The following TIAM2 variants were observed in gnomAD, a reference collection of about 807,000 sequenced individuals.
The protein encoded by TIAM2 is rho guanine nucleotide exchange factor TIAM2.
In TIAM2, 80 loss-of-function variants were observed where a neutral mutation model predicts 152.9. The ratio of observed to expected loss-of-function variants is 0.52; its 90% confidence interval spans 0.44 to 0.63. The LOEUF (loss-of-function observed/expected upper bound fraction) is 0.63, where lower values mean the gene tolerates loss of function less well. Ranked by LOEUF, TIAM2 falls within the 30% of genes least tolerant of loss-of-function variation. The probability of loss-of-function intolerance (pLI) is 0.00; values close to 1 mark genes in which losing one functional copy is unlikely to be tolerated. For synonymous variants in TIAM2, 804 were observed against 838.0 expected (o/e 0.96, Z 0.70); for missense variants, 1,965 against 2,120.1 (o/e 0.93, Z 1.44).
At chr6:155,119,465 G>A (rs1402002778) in intron 2 of TIAM2, among the ~76,000 whole-genome samples, 1 of 151,674 alleles carries the variant, frequency 6.6e-6, no homozygotes, top group East Asian at 1.9e-4. Context: ...TCAGCCTCTC[G>A]AATAGCTGGG....
intron 2 of TIAM2, among the ~76,000 whole-genome samples, chr6:155,119,164 AGCTGGGATTACAGGT>A (rs1445137543): frequency 6.6e-6 from 1 of 151,864 alleles, no homozygotes; most frequent in East Asian, 1.9e-4. Flanking sequence ...CCTCCCGAGT[AGCTGGGATTACAGGT>A]GCCTGCCACC....
intron 14 of TIAM2, among the ~76,000 whole-genome samples, chr6:155,183,819 A>G (rs1027317477): frequency 7.2e-5 from 11 of 152,194 alleles, no homozygotes; most frequent in African/African-American, 2.4e-4. Context: ...GAAAGCCTGC[A>G]TAAATGCCAA....
At chr6:155,045,301 A>T (rs1777150423) in intron 1 of TIAM2, among the ~76,000 whole-genome samples, 2 of 151,900 alleles carry the variant, frequency 1.3e-5, no homozygotes, top group Admixed American at 1.3e-4. Flanking sequence ...TGACCTCGTG[A>T]TCCACCCATC....
intron 9 of TIAM2, among the ~76,000 whole-genome samples, chr6:155,167,193 AT>A (rs750622985): frequency 4.6e-5 from 7 of 151,404 alleles, no homozygotes; most frequent in African/African-American, 9.8e-5. Context: ...ATAATATCAG[AT>A]TTTAAAATTG....
chr6:155,236,159 A>G (rs1399112720), intron 15 of TIAM2, among the ~76,000 whole-genome samples: 1 of 151,996 alleles, frequency 6.6e-6, no homozygotes, highest in African/African-American at 2.4e-5. Flanking sequence ...GGCCACAACC[A>G]GAACACCAGA....
intron 7 of TIAM2, among the ~76,000 whole-genome samples, chr6:155,157,404 A>T (rs1323335351): frequency 6.6e-6 from 1 of 152,032 alleles, no homozygotes; most frequent in Non-Finnish European, 1.5e-5. Flanking sequence ...CGTTTGTTGG[A>T]TGAGTAAATA....
At chr6:155,242,130 G>C (rs1258548163) in intron 16 of TIAM2, among the ~76,000 whole-genome samples, 1 of 152,104 alleles carries the variant, frequency 6.6e-6, no homozygotes, top group Non-Finnish European at 1.5e-5. Flanking sequence ...TTTTCTTAGG[G>C]CCCCCCTGGG....
intron 7 of TIAM2, among the ~76,000 whole-genome samples, chr6:155,151,147 C>T (rs1426915605): frequency 6.6e-6 from 1 of 152,192 alleles, no homozygotes; most frequent in Non-Finnish European, 1.5e-5. Context: ...GATGGCAAGC[C>T]TGACTCCGGG....
At chr6:155,234,901 G>T (rs946216031) in intron 15 of TIAM2, among the ~76,000 whole-genome samples, 5 of 152,194 alleles carry the variant, frequency 3.3e-5, no homozygotes, top group African/African-American at 9.7e-5. Flanking sequence ...GAGGCGTGAG[G>T]AACTAGATTG....
intron 2 of TIAM2, among the ~76,000 whole-genome samples, chr6:155,104,267 G>T (rs1475317937): frequency 6.6e-6 from 1 of 151,964 alleles, no homozygotes; most frequent in Non-Finnish European, 1.5e-5. Flanking sequence ...ATTCCAGAGG[G>T]TTGGACTAGG....
chr6:155,099,790 A>C (rs1258176650), intron 2 of TIAM2, among the ~76,000 whole-genome samples: 1 of 152,258 alleles, frequency 6.6e-6, no homozygotes, highest in African/African-American at 2.4e-5. Flanking sequence ...AGAAAAGTGT[A>C]AGATGATTTC....
rs746789142 is a variant in TIAM2, at chr6:155,129,327, T to C, written c.104T>C (p.Ile35Thr). Reference protein sequence around the residue: ...QIPCSLKIRGIHAKEEKSLHG... With the variant: ...QIPCSLKIRGTHAKEEKSLHG... ...CCTTGCTCCCTGAAAATACGTGGCA[T>C]TCATGCAAAAGAGGAAAAGTCATTG... The change falls in exon 4 of 27, where the codon ATT (isoleucine) becomes ACT (threonine). Residue 35 changes from isoleucine to threonine, a missense_variant. Around this residue, in one of 3 missense-constraint regions of TIAM2, gnomAD observed 1,025 missense variants for 1,119.4 expected, o/e 0.92. Coordinates refer to ENST00000682666, the MANE Select transcript of TIAM2 (RefSeq NM_012454.4). The surrounding 1 kb of genome is among the most constrained non-coding windows in gnomAD (Gnocchi z 4.8). The C allele has an allele frequency of 4.3e-6, 7 of 1,614,180 alleles. No homozygotes were observed. Among genetic ancestry groups the C allele is most frequent in the South Asian group, 3.3e-5 (3 of 91,086 alleles).
At chr6:155,136,016 G>T (rs1199726063) in intron 4 of TIAM2, among the ~76,000 whole-genome samples, 1 of 151,598 alleles carries the variant, frequency 6.6e-6, no homozygotes, top group Admixed American at 6.6e-5. Context: ...CCAACATGAA[G>T]AAACCGTGTC....
intron 1 of TIAM2, among the ~76,000 whole-genome samples, chr6:155,076,682 A>G (rs1380342071): frequency 2.0e-5 from 3 of 152,166 alleles, no homozygotes; most frequent in Admixed American, 6.5e-5. Context: ...TTTGAAATTC[A>G]CATCCTTTTC....
At chr6:155,198,174 A>G (rs1781390865) in intron 14 of TIAM2, among the ~76,000 whole-genome samples, 1 of 152,282 alleles carries the variant, frequency 6.6e-6, no homozygotes, top group South Asian at 2.1e-4. Flanking sequence ...TTTTGTCTGT[A>G]TGGCTGATAT....
rs1205471863 is a variant in TIAM2 at position 155,025,867 on chromosome 6, CACACACACAG to C, written c.-209+30377_-209+30386del. On this transcript the variant is annotated intron_variant, in intron 1 of 26. Coordinates refer to ENST00000682666, the MANE Select transcript of TIAM2 (RefSeq NM_012454.4). ...ACACACACACACACACACACACACA[CACACACACAG>C]AAAAGAAAGAAGGGAAGGAAACATT... Among the ~76,000 whole-genome samples the C allele has an allele frequency of 2.3e-4, 28 of 121,484 alleles. 1 individual carries two copies. Among genetic ancestry groups the C allele is most frequent in the African/African-American group, 6.6e-4 (20 of 30,254 alleles). The allele number at this position is 121,484 out of a possible 152,430, so 79.7% of individuals were successfully genotyped here.
intron 1 of TIAM2, among the ~76,000 whole-genome samples, chr6:155,006,692 A>G (rs1030581865): frequency 1.2e-4 from 18 of 151,372 alleles, no homozygotes; most frequent in Admixed American, 1.1e-3. Flanking sequence ...CAAAAAAAAA[A>G]AAAAAGAAAA....
intron 1 of TIAM2, among the ~76,000 whole-genome samples, chr6:155,016,849 A>G (rs1175585618): frequency 1.3e-5 from 2 of 152,232 alleles, no homozygotes; most frequent in African/African-American, 2.4e-5. Flanking sequence ...GCTGTGAGCC[A>G]AGATCATGCC....
At chr6:155,152,253 C>G (rs1216696058) in intron 7 of TIAM2, among the ~76,000 whole-genome samples, 4 of 152,206 alleles carry the variant, frequency 2.6e-5, no homozygotes, top group Non-Finnish European at 4.4e-5. Flanking sequence ...AACGAGGAAG[C>G]CAAAACTGCC....
Sources: allele counts gnomAD v4.1 joint callset (sites outside exome capture counted in the v4.1 genomes callset), GRCh38; gene constraint gnomAD v4.1.1; regional missense constraint gnomAD v4.1.1; non-coding constraint Gnocchi (gnomAD v3.1); transcripts MANE v1.5; gene names NCBI Gene and HGNC (gene_info 2026-07-23, HGNC 2026-07-21).